Variants in NELL1 observed in about 807,000 individuals in gnomAD.
The protein encoded by NELL1 is neural EGFL like 1, also known as protein kinase C-binding protein NELL1.
NELL1 carries 76 observed loss-of-function variants against 107.4 expected under a neutral mutation model. The observed-to-expected ratio is 0.71, with a 90% CI of 0.59 to 0.86. The LOEUF (loss-of-function observed/expected upper bound fraction) is 0.86. Among genes scored for constraint, NELL1 ranks in the 40% least tolerant of loss-of-function variants. The pLI is 0.00. For missense variants in NELL1, 1,024 were observed against 1,005.5 expected, an observed-to-expected ratio of 1.02 and a Z score of -0.25; for synonymous variants, 353 against 341.2, an observed-to-expected ratio of 1.03 and a Z score of -0.38.
At chr11:21,173,747 G>A (rs1034406949) in intron 13 of NELL1, among the ~76,000 whole-genome samples, 3 of 151,372 alleles carry the variant, frequency 2.0e-5, no homozygotes, top group Non-Finnish European at 4.4e-5. Context: ...ATATGTAGAG[G>A]TATGTGTGTG....
chr11:20,690,753 C>T (rs1375070862), intron 2 of NELL1, among the ~76,000 whole-genome samples: 2 of 151,902 alleles, frequency 1.3e-5, no homozygotes, highest in Non-Finnish European at 2.9e-5. Flanking sequence ...TTAGGATTGA[C>T]TTGGCGATGT....
At chr11:21,072,215 A>G (rs1159628738) in intron 12 of NELL1, among the ~76,000 whole-genome samples, 1 of 152,212 alleles carries the variant, frequency 6.6e-6, no homozygotes, top group African/African-American at 2.4e-5. Context: ...GCCAAATGGC[A>G]TATAATAATC....
At chr11:21,101,783 G>A (rs1402064335) in intron 12 of NELL1, among the ~76,000 whole-genome samples, 1 of 152,164 alleles carries the variant, frequency 6.6e-6, no homozygotes, top group Non-Finnish European at 1.5e-5. Context: ...CTCCCATTCT[G>A]TAGGTTGCCT....
chr11:21,080,822 C>G (rs559485233), intron 12 of NELL1, among the ~76,000 whole-genome samples: 1 of 152,030 alleles, frequency 6.6e-6, no homozygotes, highest in South Asian at 2.1e-4. Context: ...GATAGTACAT[C>G]TTTCTTTACA....
At chr11:20,948,431 T>G (rs1240720638) in intron 11 of NELL1, among the ~76,000 whole-genome samples, 1 of 152,064 alleles carries the variant, frequency 6.6e-6, no homozygotes, top group Admixed American at 6.6e-5. Flanking sequence ...ATGTATACAA[T>G]GTGTAATCAA....
chr11:20,901,082 C>T (rs1849862208), intron 5 of NELL1, among the ~76,000 whole-genome samples: 1 of 152,034 alleles, frequency 6.6e-6, no homozygotes, highest in East Asian at 1.9e-4. Context: ...TGACTATTAT[C>T]AGTGTTTCTA....
At chr11:20,849,696 C>T (rs1403867195) in intron 4 of NELL1, among the ~76,000 whole-genome samples, 4 of 152,074 alleles carry the variant, frequency 2.6e-5, no homozygotes, top group African/African-American at 9.7e-5. Context: ...GTTAATGATT[C>T]GTAGACTCTA....
intron 13 of NELL1, among the ~76,000 whole-genome samples, chr11:21,221,162 G>A (rs1345839120): frequency 6.6e-6 from 1 of 152,130 alleles, no homozygotes; most frequent in Non-Finnish European, 1.5e-5. Context: ...ATTGGACAAT[G>A]TTGTGATTTA....
At chr11:21,497,695 C>T (rs2133926729) in intron 15 of NELL1, among the ~76,000 whole-genome samples, 1 of 152,136 alleles carries the variant, frequency 6.6e-6, no homozygotes, top group African/African-American at 2.4e-5. Context: ...ATATATTATA[C>T]ATAAACTCCA....
intron 2 of NELL1, among the ~76,000 whole-genome samples, chr11:20,697,659 C>G (rs1854659476): frequency 6.6e-6 from 1 of 151,942 alleles, no homozygotes; most frequent in South Asian, 2.1e-4. Flanking sequence ...TTCAGAAGGG[C>G]AAATATGACC....
chr11:21,321,433 G>A (rs948710902), intron 14 of NELL1, among the ~76,000 whole-genome samples: 1 of 152,098 alleles, frequency 6.6e-6, no homozygotes, highest in Non-Finnish European at 1.5e-5. Flanking sequence ...GGGCAGGGGA[G>A]GAGGTCAACC....
intron 3 of NELL1, among the ~76,000 whole-genome samples, chr11:20,802,010 G>A (rs1857289841): frequency 6.6e-6 from 1 of 152,148 alleles, no homozygotes; most frequent in African/African-American, 2.4e-5. Flanking sequence ...TTGAAGTCAG[G>A]TAATGTGATT....
chr11:20,947,823 G>A (rs755605768), intron 11 of NELL1, among the ~76,000 whole-genome samples: 13 of 151,944 alleles, frequency 8.6e-5, no homozygotes, highest in Admixed American at 3.3e-4. Flanking sequence ...TTTCAGCTCC[G>A]TCTTGTTGGG....
At chr11:21,194,454 C>A (rs1000121763) in intron 13 of NELL1, among the ~76,000 whole-genome samples, 31 of 151,984 alleles carry the variant, frequency 2.0e-4, no homozygotes, top group African/African-American at 7.5e-4. Context: ...TGGACCCCCC[C>A]ATAGAGATTC....
intron 12 of NELL1, among the ~76,000 whole-genome samples, chr11:21,025,832 C>A (rs899333957): frequency 1.3e-5 from 2 of 152,108 alleles, no homozygotes; most frequent in Non-Finnish European, 2.9e-5. Flanking sequence ...CCAGTTATTC[C>A]CCAACAACTT....
intron 16 of NELL1, among the ~76,000 whole-genome samples, chr11:21,541,688 C>T (rs1278318867): frequency 2.6e-5 from 4 of 152,170 alleles, no homozygotes; most frequent in East Asian, 3.9e-4. Flanking sequence ...AGTCCGAAAT[C>T]GGCCTCTTTC....
At chr11:21,431,433 A>G (rs1852963029) in intron 15 of NELL1, among the ~76,000 whole-genome samples, 1 of 152,112 alleles carries the variant, frequency 6.6e-6, no homozygotes, top group Admixed American at 6.6e-5. Flanking sequence ...GTTCACTAAT[A>G]TTTCCCAAGT....
chr11:21,076,440 G>A lies in NELL1; in HGVS notation c.1301-37149G>A, dbSNP rs183261475. On this transcript the variant is annotated intron_variant, in intron 12 of 19. Transcript: ENST00000357134. ...GACCTGGAAATAGTACATGTGTTAG[G>A]AATTATGGCTTTTCATTGGCTGAAT... 2.9e-3 allele frequency among the ~76,000 whole-genome samples: 442 copies of A among 152,318 alleles called. 5 individuals are homozygous for A. Among genetic ancestry groups the A allele is most frequent in the African/African-American group, 0.01 (418 of 41,564 alleles).
At chr11:21,419,109 G>A (rs185560067) in intron 15 of NELL1, among the ~76,000 whole-genome samples, 57 of 152,160 alleles carry the variant, frequency 3.7e-4, no homozygotes, top group Admixed American at 4.6e-4. Flanking sequence ...AAAATTGGGG[G>A]CTGTGTTCCT....
Sources: gnomAD v4.1 joint callset for allele counts (sites outside exome capture counted in the v4.1 genomes callset) on GRCh38, gnomAD v4.1.1 for gene constraint, MANE v1.5 for transcripts, NCBI Gene and HGNC (gene_info 2026-07-23, HGNC 2026-07-21) for gene names.